The following PADI1 variants were observed in gnomAD, a reference collection of about 807,000 sequenced individuals.
The protein encoded by PADI1 is protein-arginine deiminase type-1.
A neutral mutation model predicts 74.8 loss-of-function variants in PADI1; 65 were observed. That is an observed-to-expected ratio of 0.87 (90% CI 0.71 to 1.07). The LOEUF (loss-of-function observed/expected upper bound fraction) is 1.07. Ranked by LOEUF, PADI1 falls within the 50% of genes least tolerant of loss-of-function variation. The probability of loss-of-function intolerance (pLI) is 0.00; values close to 1 mark genes in which losing one functional copy is unlikely to be tolerated. For missense variants in PADI1, 943 were observed against 854.0 expected (o/e 1.10, Z -1.30); for synonymous variants, 371 against 336.2 (o/e 1.10, Z -1.13).
Position 17,244,242 on chromosome 1 carries a change from G to A in PADI1, c.1991G>A (p.Ter664=), listed in dbSNP as rs777079944. The A allele has an allele frequency of 1.5e-5, 24 of 1,611,778 alleles. No individual in the cohort carries two copies. The highest frequency in any genetic ancestry group is 1.9e-5 in the Non-Finnish European group (22 of 1,177,962). The stretch of plus-strand genomic sequence containing the variant: ...TTCAAATGGTGGAACATGGTGCCCT[G>A]AGCCTGCCCCCACCCGCCATCCTCT... The part of the protein sequence containing the change: ...FPFKWWNMVP[*] The change falls in exon 16 of 16, where the codon TGA becomes TAA. Residue 664 remains the stop codon, a stop_retained_variant. Transcript: ENST00000375471.
At chr1:17,224,032 C>T (rs1021546694) in intron 3 of PADI1, among the ~76,000 whole-genome samples, 5 of 152,244 alleles carry the variant, frequency 3.3e-5, no homozygotes, top group Admixed American at 6.5e-5. Flanking sequence ...GTCAATGTAA[C>T]GGCAGAACCC....
In PADI1 at chr1:17,223,667, G is replaced by A. The variant is rs371358492; in HGVS notation, c.320G>A (p.Arg107His). Residue 107 changes from arginine (R) to histidine (H), a missense_variant, in exon 3 of 16, where the codon CGC (arginine) becomes CAC (histidine). By Grantham distance (29) the Arg-to-His change is conservative (BLOSUM62 0). Transcript: ENST00000375471. ...GAGCAGGAAGACCAAGCTCTGGGCC[G>A]CAGCGTGCTTTACCTCACTGGCGTC... ...FGEQEDQALG[R>H]SVLYLTGVDI... 9.9e-6 allele frequency: 16 copies of A among 1,613,862 alleles called. No individual in the cohort carries two copies. The highest frequency in any genetic ancestry group is 4.0e-5 in the African/African-American group (3 of 74,918).
At chr1:17,236,560 G>A (rs1389265921) in intron 11 of PADI1, among the ~76,000 whole-genome samples, 1 of 152,126 alleles carries the variant, frequency 6.6e-6, no homozygotes, top group Non-Finnish European at 1.5e-5. Flanking sequence ...TTTAAGACTA[G>A]CCTGGGTGGC....
chr1:17,224,298 A>T (rs1471021383), intron 3 of PADI1, 69 bp from the exon 4 acceptor site: 8 of 1,419,102 alleles, frequency 5.6e-6, no homozygotes, highest in Non-Finnish European at 7.9e-6. Flanking sequence ...AGTTTGCCCA[A>T]CCTGGACTTT....
At chr1:17,219,438 G>A (rs894123024) in intron 1 of PADI1, among the ~76,000 whole-genome samples, 1 of 152,128 alleles carries the variant, frequency 6.6e-6, no homozygotes, top group Non-Finnish European at 1.5e-5. Flanking sequence ...TTGCTAACAG[G>A]GGAGCTTGTA....
intron 8 of PADI1, among the ~76,000 whole-genome samples, chr1:17,229,379 A>T (rs1445774641): frequency 3.3e-5 from 5 of 152,346 alleles, no homozygotes; most frequent in African/African-American, 1.2e-4. Flanking sequence ...GCTGGTGGCC[A>T]TCGGAGACCT....
intron 1 of PADI1, among the ~76,000 whole-genome samples, chr1:17,216,809 G>T (rs546775604): frequency 8.5e-5 from 13 of 152,268 alleles, no homozygotes; most frequent in African/African-American, 3.1e-4. Context: ...GGCAGAGGTT[G>T]CAGTGAGCTG....
chr1:17,210,922 G>A lies in PADI1; in HGVS notation c.92+5613G>A, dbSNP rs144077671. Among the ~76,000 whole-genome samples the A allele has an allele frequency of 9.6e-4, 146 of 152,338 alleles. 1 individual carries two copies. Among genetic ancestry groups the A allele is most frequent in the African/African-American group, 3.4e-3 (140 of 41,578 alleles). ...TTTCCCCAGGGCCGTCTGCTCCCGG[G>A]CACCTGCTCTGTGCTGGGTTCTGGC... On this transcript the variant is annotated intron_variant, in intron 1 of 15. Transcript: ENST00000375471.
intron 10 of PADI1, among the ~76,000 whole-genome samples, 198 bp downstream of exon 10, chr1:17,230,877 T>A (rs568882440): frequency 6.6e-6 from 1 of 152,122 alleles, no homozygotes; most frequent in Non-Finnish European, 1.5e-5. Flanking sequence ...GCAAATCACA[T>A]GCAAATAGGC....
intron 3 of PADI1, 108 bp downstream of exon 3, chr1:17,223,801 C>T (rs561032448): frequency 1.1e-6 from 1 of 902,490 alleles, no homozygotes; most frequent in African/African-American, 1.6e-5. Context: ...CCAGCTTCCT[C>T]CATCACTGAG....
intron 1 of PADI1, among the ~76,000 whole-genome samples, chr1:17,205,895 T>A (rs1004550791): frequency 6.6e-5 from 10 of 152,246 alleles, no homozygotes; most frequent in Admixed American, 2.6e-4. Flanking sequence ...CTGATTATGG[T>A]GATGAACAGT....
At chr1:17,206,295 GC>G (rs1029450248) in intron 1 of PADI1, among the ~76,000 whole-genome samples, 21 of 152,320 alleles carry the variant, frequency 1.4e-4, no homozygotes, top group African/African-American at 4.8e-4. Flanking sequence ...TGTATGTGGG[GC>G]CCAGGGCCAG....
chr1:17,240,970 A>G (rs2072764649), intron 15 of PADI1, among the ~76,000 whole-genome samples: 1 of 152,140 alleles, frequency 6.6e-6, no homozygotes, highest in Non-Finnish European at 1.5e-5. Flanking sequence ...AGTGAGGTGC[A>G]TGCCCCTGGC....
At chr1:17,207,857 G>C (rs773310715) in intron 1 of PADI1, among the ~76,000 whole-genome samples, 1 of 152,232 alleles carries the variant, frequency 6.6e-6, no homozygotes, top group African/African-American at 2.4e-5. Context: ...TAGCTACTGA[G>C]AGCCTCCAAA....
intron 1 of PADI1, among the ~76,000 whole-genome samples, chr1:17,216,926 G>C (rs986178019): frequency 5.9e-5 from 9 of 151,788 alleles, no homozygotes; most frequent in Admixed American, 1.3e-4. Context: ...GAGAAACTCA[G>C]AAAGCAAGAA....
intron 9 of PADI1, 59 bp downstream of exon 9, chr1:17,230,267 A>G: frequency 1.9e-6 from 3 of 1,579,806 alleles, no homozygotes; most frequent in South Asian, 2.4e-5. Flanking sequence ...GGGAAGCCGC[A>G]CAGGTGCCTG....
rs377329374 is a variant in PADI1 at position 17,240,630 on chromosome 1, C to T, written c.1633-5C>T. ...CCTGGGCTGCCCAGCTGCCTCCTTCCCCAGAAATGCATTGACTGGAACCGT... is the reference window on the plus strand; with the variant it reads ...CCTGGGCTGCCCAGCTGCCTCCTTCTCCAGAAATGCATTGACTGGAACCGT... On this transcript the variant is annotated splice_polypyrimidine_tract_variant and splice_region_variant and intron_variant, in intron 14 of 15. Transcript: ENST00000375471. 12 of 1,613,556 alleles carry T rather than the reference C, an allele frequency of 7.4e-6. No homozygotes were observed. In the African/African-American group the frequency reaches 1.6e-4, roughly 22 times the overall value.
intron 10 of PADI1, among the ~76,000 whole-genome samples, chr1:17,232,552 G>GATCC (rs1337159543): frequency 6.6e-6 from 1 of 152,172 alleles, no homozygotes; most frequent in Non-Finnish European, 1.5e-5. Flanking sequence ...TTTCTTCTTT[G>GATCC]ATCCATGGAT....
chr1:17,238,520 C>A, intron 12 of PADI1, 96 bp from the exon 13 acceptor site: 1 of 525,814 alleles, frequency 1.9e-6, no homozygotes. Context: ...AGGGGAGTCC[C>A]AAGAACTGTC....
Sources: gnomAD v4.1 joint callset for allele counts (sites outside exome capture counted in the v4.1 genomes callset) on GRCh38, gnomAD v4.1.1 for gene constraint, MANE v1.5 for transcripts, NCBI Gene and HGNC (gene_info 2026-07-23, HGNC 2026-07-21) for gene names.